TMCO4: variants seen among roughly 807,000 people sequenced by gnomAD.
TMCO4 encodes transmembrane and coiled-coil domains 4.
A neutral mutation model predicts 64.7 loss-of-function variants in TMCO4; 58 were observed. That is an observed-to-expected ratio of 0.90 (90% CI 0.73 to 1.12). The LOEUF (loss-of-function observed/expected upper bound fraction) is 1.12, where lower values mean the gene tolerates loss of function less well. TMCO4 is among the 50% of genes most tolerant of loss of function. TMCO4 has a pLI of 0.00. For missense variants in TMCO4, 780 were observed against 825.9 expected (o/e 0.94, Z 0.68); for synonymous variants, 325 against 346.1 (o/e 0.94, Z 0.68).
At chr1:19,741,034 C>T (rs1216351089) in intron 10 of TMCO4, 93 bp from the exon 11 acceptor site, 1 of 1,349,454 alleles carries the variant, frequency 7.4e-7, no homozygotes, top group Non-Finnish European at 9.9e-7. Flanking sequence ...GGACCACTCA[C>T]CCTTGTGTGG....
chr1:19,734,841 T>C lies in TMCO4; in HGVS notation c.1264+2531A>G, dbSNP rs2095446547. On this transcript the variant is annotated intron_variant, in intron 13 of 15. Transcript: ENST00000294543. This position sits in a 1 kb window ranked among gnomAD's most constrained non-coding sequence, Gnocchi z 4.4. ...TGGCTTCACCTCTCAGCCTCAGTTT[T>C]CTCATCTGAAGCAGGGAGACTGGTG... Among the ~76,000 whole-genome samples, 1 of 152,160 alleles carries C rather than the reference T, an allele frequency of 6.6e-6. No individual in the cohort carries two copies. Among genetic ancestry groups the C allele is most frequent in the African/African-American group, 2.4e-5 (1 of 41,442 alleles).
rs985166964 is a variant in TMCO4, at chr1:19,683,370, G to T, written c.1575C>A (p.Gly525=). The T allele has an allele frequency of 1.2e-6, 2 of 1,613,820 alleles. No individual in the cohort carries two copies. Among genetic ancestry groups the T allele is most frequent in the African/African-American group, 1.3e-5 (1 of 74,954 alleles). Residue 525 remains glycine, a synonymous_variant, in exon 16 of 16, where the codon GGC becomes GGA. Transcript: ENST00000294543. ...LKAVGIRTKP[G]WDEKGLLLAP... ...CCAGCAAGAGCCCCTTCTCGTCCCA[G>T]CCTGGCTTGGTGCGGATGCCCACGG... is the stretch of plus-strand genomic sequence containing the variant.
intron 13 of TMCO4, among the ~76,000 whole-genome samples, chr1:19,711,783 G>A (rs1319436964): frequency 1.3e-5 from 2 of 152,116 alleles, no homozygotes; most frequent in Non-Finnish European, 2.9e-5. Context: ...TCAGCCTCCT[G>A]AGTAGCTGGG....
rs6701531 is a variant in TMCO4 at position 19,682,978 on chromosome 1, G to A, written c.*62C>T. 9,870 of 1,515,354 alleles carry A rather than the reference G, an allele frequency of 6.5e-3. 544 individuals carry two copies. The African/African-American group carries it at 0.12, about 18-fold the overall frequency. 93.9% of individuals were successfully genotyped at this position (1,515,354 alleles called of 1,614,324 possible). ...CCTCCAGAGCTCCTGGGAGGAACCC[G>A]AGGGTATAAGAGAGAGCTGCATATG... On this transcript the variant is annotated 3_prime_UTR_variant, in exon 16 of 16. Coordinates refer to ENST00000294543, the MANE Select transcript of TMCO4 (RefSeq NM_181719.7).
In TMCO4 at chr1:19,742,171, G is replaced by A. The variant is rs532756825; in HGVS notation, c.878-1230C>T. 4.6e-5 allele frequency among the ~76,000 whole-genome samples: 7 copies of A among 152,138 alleles called. No homozygotes were observed. In the South Asian group the frequency reaches 1.5e-3, roughly 32 times the overall value. ...ATTCCAGTCCAATCGCCTCTTCCAC[G>A]GGGAAGCCTTCCCGGCTCCTCTGAC... is the stretch of plus-strand genomic sequence containing the variant. On this transcript the variant is annotated intron_variant, in intron 10 of 15. Transcript: ENST00000294543.
At chr1:19,759,601 G>A (rs527237509) in intron 6 of TMCO4, among the ~76,000 whole-genome samples, 8 of 152,268 alleles carry the variant, frequency 5.3e-5, no homozygotes, top group Middle Eastern at 3.4e-3. Flanking sequence ...GGCTGCCTCG[G>A]GGCCTTTGCA....
chr1:19,695,488 G>A (rs1324459052), intron 14 of TMCO4, among the ~76,000 whole-genome samples: 1 of 152,232 alleles, frequency 6.6e-6, no homozygotes, highest in Non-Finnish European at 1.5e-5. Context: ...CCATTCTGCT[G>A]TCTTTTATGT....
chr1:19,720,993 GATGATTAATTAAC>G (rs2095380049), intron 13 of TMCO4, among the ~76,000 whole-genome samples: 1 of 152,146 alleles, frequency 6.6e-6, no homozygotes, highest in East Asian at 1.9e-4. Flanking sequence ...TGGGAACTGA[GATGATTAATTAAC>G]ATGTAAGTTA....
At chr1:19,705,569 G>A (rs2095298642) in intron 13 of TMCO4, among the ~76,000 whole-genome samples, 1 of 151,468 alleles carries the variant, frequency 6.6e-6, no homozygotes, top group African/African-American at 2.4e-5. Context: ...TTTTAGGAAC[G>A]TTACTAATTT....
chr1:19,761,459 A>G (rs2100974439), intron 6 of TMCO4, among the ~76,000 whole-genome samples: 1 of 152,362 alleles, frequency 6.6e-6, no homozygotes, highest in African/African-American at 2.4e-5. Context: ...GAAGGACCAA[A>G]GGAGCTGGTA....
chr1:19,785,573 A>G (rs2043696823), intron 3 of TMCO4, among the ~76,000 whole-genome samples: 1 of 152,234 alleles, frequency 6.6e-6, no homozygotes, highest in Non-Finnish European at 1.5e-5. Context: ...TCAGAGGATG[A>G]AACTGACAAG....
chr1:19,705,271 C>T (rs1168751342), intron 13 of TMCO4, among the ~76,000 whole-genome samples: 2 of 151,858 alleles, frequency 1.3e-5, no homozygotes, highest in East Asian at 3.9e-4. Flanking sequence ...GCCAACATGG[C>T]AAAAACCTGT....
chr1:19,768,709 G>A (rs751577236), intron 6 of TMCO4, among the ~76,000 whole-genome samples: 7 of 152,122 alleles, frequency 4.6e-5, no homozygotes, highest in Non-Finnish European at 7.3e-5. Context: ...AAAATACTTT[G>A]GATACACTAG....
At chr1:19,746,933 A>AAAC (rs1035057865) in intron 8 of TMCO4, among the ~76,000 whole-genome samples, 6 of 148,914 alleles carry the variant, frequency 4.0e-5, no homozygotes, top group African/African-American at 1.5e-4. Flanking sequence ...CAAAAAAAAA[A>AAAC]AAAAAAAAAA....
At chr1:19,704,072 T>C (rs6657561) in intron 13 of TMCO4, among the ~76,000 whole-genome samples, 55,821 of 152,098 alleles carry the variant, frequency 0.37, 10,829 homozygotes, top group South Asian at 0.43. Flanking sequence ...ATGTCAGAGT[T>C]TGTCTGAATA....
At chr1:19,701,082 C>T in intron 13 of TMCO4, 197 bp from the exon 14 acceptor site, 3 of 518,172 alleles carry the variant, frequency 5.8e-6, no homozygotes, top group South Asian at 5.3e-5. Flanking sequence ...AGGCTTCTAC[C>T]TACTGAGTTC....
chr1:19,717,774 C>G (rs1283037688), intron 13 of TMCO4, among the ~76,000 whole-genome samples: 2 of 152,226 alleles, frequency 1.3e-5, no homozygotes, highest in African/African-American at 4.8e-5. Flanking sequence ...CTCCTTTGAA[C>G]TGCTGCAGCC....
At chr1:19,717,963 AG>A (rs1353257794) in intron 13 of TMCO4, among the ~76,000 whole-genome samples, 1 of 152,216 alleles carries the variant, frequency 6.6e-6, no homozygotes. Context: ...TTAGAATCCC[AG>A]GCTTGCTAAT....
intron 13 of TMCO4, among the ~76,000 whole-genome samples, chr1:19,720,937 T>A (rs562582424): frequency 6.6e-6 from 1 of 152,114 alleles, no homozygotes; most frequent in Non-Finnish European, 1.5e-5. Context: ...TCAGGGAATC[T>A]TAGATACGAG....
Sources: allele counts gnomAD v4.1 joint callset (sites outside exome capture counted in the v4.1 genomes callset), GRCh38; gene constraint gnomAD v4.1.1; non-coding constraint Gnocchi (gnomAD v3.1); transcripts MANE v1.5; gene names NCBI Gene and HGNC (gene_info 2026-07-23, HGNC 2026-07-21).